The following GRIN2A variants were observed in gnomAD, a reference collection of about 807,000 sequenced individuals.
GRIN2A encodes glutamate ionotropic receptor NMDA type subunit 2A.
Under a neutral mutation model 113.4 loss-of-function variants are expected in GRIN2A, and 22 were observed. The observed-to-expected ratio is 0.19, with a 90% CI of 0.14 to 0.28. The LOEUF is 0.28. Ranked by LOEUF, GRIN2A falls within the 10% of genes least tolerant of loss-of-function variation. The probability of loss-of-function intolerance (pLI) is 1.00; values close to 1 mark genes in which losing one functional copy is unlikely to be tolerated. For synonymous variants in GRIN2A, 827 were observed against 738.4 expected (o/e 1.12, Z -1.94); for missense variants, 1,502 against 1,887.0 (o/e 0.80, Z 3.78).
intron 3 of GRIN2A, among the ~76,000 whole-genome samples, chr16:9,898,790 G>GTTTTTTTTT (rs71402415): frequency 1.4e-5 from 2 of 140,344 alleles, no homozygotes; most frequent in Non-Finnish European, 1.6e-5. Context: ...TTCACAGAGT[G>GTTTTTTTTT]TTTTTTTTTT....
intron 12 of GRIN2A, among the ~76,000 whole-genome samples, chr16:9,766,895 C>T (rs1272653023): frequency 6.6e-6 from 1 of 152,218 alleles, no homozygotes; most frequent in African/African-American, 2.4e-5. Context: ...CCCAGTTTGC[C>T]TTCCATTCCC....
intron 2 of GRIN2A, among the ~76,000 whole-genome samples, chr16:9,953,095 C>T (rs2045221419): frequency 2.6e-5 from 4 of 151,972 alleles, no homozygotes; most frequent in Admixed American, 2.6e-4. Flanking sequence ...AAAAGCAGGC[C>T]CAGAGAAATC....
At chr16:10,124,816 G>T (rs1447828422) in intron 2 of GRIN2A, among the ~76,000 whole-genome samples, 1 of 152,100 alleles carries the variant, frequency 6.6e-6, no homozygotes, top group Non-Finnish European at 1.5e-5. Flanking sequence ...TTAAAGTTGT[G>T]GTACAGCTAA....
chr16:10,062,186 A>G (rs1209369645), intron 2 of GRIN2A, among the ~76,000 whole-genome samples: 1 of 152,186 alleles, frequency 6.6e-6, no homozygotes, highest in Non-Finnish European at 1.5e-5. Flanking sequence ...CTTCTACCTA[A>G]GGCAGGAGTT....
intron 4 of GRIN2A, among the ~76,000 whole-genome samples, chr16:9,890,590 A>G (rs1482441979): frequency 6.6e-6 from 1 of 152,262 alleles, no homozygotes; most frequent in Non-Finnish European, 1.5e-5. Context: ...ACATGAAAAT[A>G]CAGAGGGTTC....
intron 2 of GRIN2A, among the ~76,000 whole-genome samples, chr16:10,125,544 C>T (rs1290754303): frequency 6.7e-6 from 1 of 150,052 alleles, no homozygotes; most frequent in Non-Finnish European, 1.5e-5. Context: ...TGACAGGGTA[C>T]AGCAGAGATT....
At chr16:9,819,305 A>G (rs975581924) in intron 10 of GRIN2A, among the ~76,000 whole-genome samples, 2 of 152,080 alleles carry the variant, frequency 1.3e-5, no homozygotes, top group Admixed American at 1.3e-4. Context: ...GAATGGCTTG[A>G]GCCTTCTGAA....
In GRIN2A at chr16:9,842,252, CA is replaced by C. The variant is rs57369493; in HGVS notation, c.1329-1149del. 1.0e-4 allele frequency among the ~76,000 whole-genome samples: 14 copies of C among 136,996 alleles called. No individual in the cohort carries two copies. In the South Asian group the frequency reaches 1.2e-3, roughly 11 times the overall value. 89.9% of individuals were successfully genotyped at this position (136,996 alleles called of 152,430 possible). A position where few individuals can be genotyped will look rare whatever the true frequency, so the allele number is the denominator to read the frequency against. On this transcript the variant is annotated intron_variant, in intron 5 of 12. Transcript: ENST00000330684. ...GGTGACAAGAGTGAAACTCTGTCTC[CA>C]AAAAAAAAAGAAAAAAGAAAAGAAA... is the stretch of plus-strand genomic sequence containing the variant.
intron 11 of GRIN2A, among the ~76,000 whole-genome samples, chr16:9,777,273 A>G (rs1021221250): frequency 6.6e-6 from 1 of 151,452 alleles, no homozygotes; most frequent in African/African-American, 2.4e-5. Context: ...GACAAATAAG[A>G]AAAAAAAATG....
chr16:10,139,506 C>T (rs1046817554), intron 2 of GRIN2A, among the ~76,000 whole-genome samples: 4 of 152,348 alleles, frequency 2.6e-5, no homozygotes, highest in Admixed American at 2.0e-4. Flanking sequence ...TAGGGTTTGG[C>T]CTGTGCAATT....
At chr16:10,137,583 G>C (rs934136646) in intron 2 of GRIN2A, among the ~76,000 whole-genome samples, 3 of 152,192 alleles carry the variant, frequency 2.0e-5, no homozygotes, top group Non-Finnish European at 4.4e-5. Flanking sequence ...ATTCCCGTCA[G>C]CTGGCTGTAT....
chr16:9,997,298 A>G (rs1404482471), intron 2 of GRIN2A, among the ~76,000 whole-genome samples: 3 of 151,976 alleles, frequency 2.0e-5, no homozygotes, highest in Non-Finnish European at 1.5e-5. Flanking sequence ...AACACTCCCC[A>G]CTCCCAATGT....
At chr16:9,833,972 C>A in intron 8 of GRIN2A, 133 bp downstream of exon 8, 1 of 875,032 alleles carries the variant, frequency 1.1e-6, no homozygotes, top group Non-Finnish European at 1.9e-6. Context: ...CCACCTCGGT[C>A]TCCCAAAGTG....
intron 2 of GRIN2A, among the ~76,000 whole-genome samples, chr16:10,094,824 G>C (rs763543716): frequency 1.0e-4 from 13 of 130,354 alleles, no homozygotes; most frequent in South Asian, 2.4e-4. Context: ...GTTGAAGCAG[G>C]AAAAGTATAA....
chr16:9,792,754 C>A (rs114038145), intron 11 of GRIN2A, among the ~76,000 whole-genome samples: 2,451 of 152,180 alleles, frequency 0.016, 66 homozygotes, highest in African/African-American at 0.056. Context: ...ACCATTAAAA[C>A]TGAGCAAAAT....
chr16:9,887,892 AC>A (rs896919662), intron 4 of GRIN2A, among the ~76,000 whole-genome samples: 1 of 152,112 alleles, frequency 6.6e-6, no homozygotes, highest in Non-Finnish European at 1.5e-5. Context: ...AACTATCTCT[AC>A]CAAAAATATA....
intron 2 of GRIN2A, among the ~76,000 whole-genome samples, chr16:9,990,563 G>GCACACACA (rs71157799): frequency 1.9e-4 from 24 of 124,478 alleles, no homozygotes; most frequent in African/African-American, 6.3e-4. Context: ...GCGCGCGCGC[G>GCACACACA]CACACACACA....
chr16:9,921,656 A>C (rs957053811), intron 3 of GRIN2A, among the ~76,000 whole-genome samples: 1 of 152,212 alleles, frequency 6.6e-6, no homozygotes, highest in Non-Finnish European at 1.5e-5. Flanking sequence ...TGACTTATTC[A>C]ATATATATTT....
Position 9,830,638 on chromosome 16 carries a change from AT to A in GRIN2A, c.1778-987del, listed in dbSNP as rs138027434. Among the ~76,000 whole-genome samples the A allele has an allele frequency of 8.4e-3, 1,277 of 152,346 alleles. 21 individuals carry two copies. Among genetic ancestry groups the A allele is most frequent in the African/African-American group, 0.029 (1,207 of 41,576 alleles). On this transcript the variant is annotated intron_variant, in intron 8 of 12. Transcript: ENST00000330684. ...CCAATATAAGCAGAGTGGGCAATAA[AT>A]AAAGTGGCAGAAGCAAATTCACATT...
Sources: allele counts gnomAD v4.1 joint callset (sites outside exome capture counted in the v4.1 genomes callset), GRCh38; gene constraint gnomAD v4.1.1; transcripts MANE v1.5; gene names NCBI Gene and HGNC (gene_info 2026-07-23, HGNC 2026-07-21).